EIF2AK2: variants seen among roughly 807,000 people sequenced by gnomAD.
EIF2AK2 encodes interferon-induced, double-stranded RNA-activated protein kinase.
Under a neutral mutation model 70.5 loss-of-function variants are expected in EIF2AK2, and 40 were observed. That is an observed-to-expected ratio of 0.57 (90% CI 0.44 to 0.74). The LOEUF is 0.74. EIF2AK2 is among the 30% of genes least tolerant of loss of function. The pLI, the probability that EIF2AK2 is intolerant of heterozygous loss-of-function variation, is 0.00. For missense variants in EIF2AK2, 555 were observed against 644.3 expected (o/e 0.86, Z 1.50); for synonymous variants, 198 against 220.9 (o/e 0.90, Z 0.92).
intron 9 of EIF2AK2, 104 bp downstream of exon 9, chr2:37,136,879 C>G: frequency 9.5e-7 from 1 of 1,057,276 alleles, no homozygotes. Context: ...TTCTGAAACT[C>G]TGCTCAAATA....
intron 8 of EIF2AK2, among the ~76,000 whole-genome samples, chr2:37,137,785 G>A (rs1573026551): frequency 6.6e-6 from 1 of 152,140 alleles, no homozygotes; most frequent in Admixed American, 6.5e-5. Context: ...ACGTGTGGAA[G>A]GGTAAGGAAT....
intron 1 of EIF2AK2, among the ~76,000 whole-genome samples, chr2:37,153,442 C>A (rs191851587): frequency 2.4e-3 from 354 of 148,918 alleles, no homozygotes; most frequent in African/African-American, 8.1e-3. Context: ...TGGGCTCAAG[C>A]GATCCTCCCA....
At chr2:37,148,566 C>A in intron 2 of EIF2AK2, 1 of 770,630 alleles carries the variant, frequency 1.3e-6, no homozygotes, top group Non-Finnish European at 2.3e-6. Context: ...CTTCGTACTA[C>A]AAATGAGTGC....
At chr2:37,113,767 A>C (rs982836292) in intron 14 of EIF2AK2, among the ~76,000 whole-genome samples, 2 of 152,226 alleles carry the variant, frequency 1.3e-5, no homozygotes, top group Admixed American at 1.3e-4. Flanking sequence ...AATACAAACT[A>C]AAATAGCAAG....
chr2:37,107,423 A>G (rs1490964938), intron 16 of EIF2AK2, 28 bp from the exon 17 acceptor site: 2 of 1,610,542 alleles, frequency 1.2e-6, no homozygotes, highest in Non-Finnish European at 1.7e-6. Context: ...GTCAATAGTA[A>G]GAAATAAAAC....
At position 37,146,854 on chromosome 2, in the gene EIF2AK2, T is replaced by A; in HGVS notation, c.239A>T (p.Lys80Met). The A allele has an allele frequency of 6.2e-7, 1 of 1,611,830 alleles. No individual in the cohort carries two copies. The highest frequency in any genetic ancestry group is 8.5e-7 in the Non-Finnish European group (1 of 1,179,506). The change falls in exon 4 of 17, where the codon AAG (lysine) becomes ATG (methionine). Residue 80 changes from lysine to methionine, a missense_variant and splice_region_variant. Lys to Met is a moderately conservative substitution (Grantham distance 95). This residue lies in a region of EIF2AK2 where 208 missense variants were observed against 191.8 expected (regional missense o/e 1.08). Coordinates refer to ENST00000233057, the MANE Select transcript of EIF2AK2 (RefSeq NM_001135651.3). ...LAVEILNKEK[K>M]AVSPLLLTTT... ...TTAGGAAAAAAGGCAATCACTCACCTTCTTTTCCTTATTAAGTATCTCAAC... is the reference window on the plus strand; with the variant it reads ...TTAGGAAAAAAGGCAATCACTCACCATCTTTTCCTTATTAAGTATCTCAAC...
intron 10 of EIF2AK2, among the ~76,000 whole-genome samples, chr2:37,126,988 A>AAAAAAAAAAAAC (rs1674758665): frequency 1.5e-5 from 2 of 135,660 alleles, no homozygotes; most frequent in Non-Finnish European, 3.2e-5. Context: ...AAAAAAAAAA[A>AAAAAAAAAAAAC]AAAAAAAAAA....
chr2:37,140,584 A>G (rs1030424048), intron 5 of EIF2AK2, among the ~76,000 whole-genome samples: 1 of 148,126 alleles, frequency 6.8e-6, no homozygotes, highest in Non-Finnish European at 1.5e-5. Context: ...TATAGCTCCT[A>G]TTTTTTTCAG....
chr2:37,155,926 T>G (rs1573048889), intron 1 of EIF2AK2, among the ~76,000 whole-genome samples: 2 of 137,354 alleles, frequency 1.5e-5, no homozygotes, highest in African/African-American at 2.7e-5. Flanking sequence ...GGCGACAGAG[T>G]GAGAATCTGT....
chr2:37,119,885 C>A (rs1674475899), intron 13 of EIF2AK2, 74 bp downstream of exon 13: 1 of 905,094 alleles, frequency 1.1e-6, no homozygotes, highest in Non-Finnish European at 1.4e-6. Context: ...AGCCACTGTG[C>A]CCAGCTGAGA....
chr2:37,118,666 C>T (rs1674430397), intron 13 of EIF2AK2, among the ~76,000 whole-genome samples: 1 of 152,174 alleles, frequency 6.6e-6, no homozygotes, highest in South Asian at 2.1e-4. Context: ...TGACAATGTT[C>T]CACCTTCAAA....
intron 14 of EIF2AK2, among the ~76,000 whole-genome samples, chr2:37,114,331 T>A (rs1017125607): frequency 3.3e-5 from 5 of 151,720 alleles, no homozygotes; most frequent in Admixed American, 3.3e-4. Context: ...ACAAAAAATA[T>A]TAAATTTAAA....
chr2:37,153,548 G>T (rs898477035), intron 1 of EIF2AK2, among the ~76,000 whole-genome samples: 9 of 151,746 alleles, frequency 5.9e-5, no homozygotes, highest in Non-Finnish European at 1.0e-4. Context: ...AAATTTGCCT[G>T]TTCTAGGTAC....
At chr2:37,111,859 C>G (rs1674159465) in intron 14 of EIF2AK2, among the ~76,000 whole-genome samples, 1 of 31,088 alleles carries the variant, frequency 3.2e-5, no homozygotes, top group Non-Finnish European at 5.9e-5. Context: ...AAGACCCTGT[C>G]TCAAAAAAAA....
intron 10 of EIF2AK2, among the ~76,000 whole-genome samples, chr2:37,128,499 G>GT (rs2148687541): frequency 6.6e-6 from 1 of 152,264 alleles, no homozygotes; most frequent in East Asian, 1.9e-4. Context: ...ATTTGGATCT[G>GT]TCTAGATATT....
chr2:37,112,775 T>C (rs571627020), intron 14 of EIF2AK2, among the ~76,000 whole-genome samples: 1 of 152,228 alleles, frequency 6.6e-6, no homozygotes, highest in South Asian at 2.1e-4. Context: ...TAACATAAAA[T>C]TTACCCTTTT....
Position 37,101,620 on chromosome 2 carries a change from C to G in EIF2AK2, c.*5653G>C, listed in dbSNP as rs1390523791. On this transcript the variant is annotated 3_prime_UTR_variant, in exon 17 of 17. Coordinates refer to ENST00000233057, the MANE Select transcript of EIF2AK2 (RefSeq NM_001135651.3). ...CCAGGATCAAATCCAGCTTCTAGGT[C>G]TAACTGGACACTCTGGGGATACTCT... The G allele has an allele frequency of 6.6e-6, 1 of 152,150 alleles. No individual in the cohort carries two copies. Among genetic ancestry groups the G allele is most frequent in the African/African-American group, 2.4e-5 (1 of 41,432 alleles). The allele number at this position is 152,150 out of a possible 1,614,324, so 9.4% of individuals were successfully genotyped here.
At position 37,147,899 on chromosome 2, in the gene EIF2AK2, G is replaced by C. The variant is rs1038912747; in HGVS notation, c.-16-77C>G. 10 of 988,940 alleles carry C rather than the reference G, an allele frequency of 1.0e-5. No homozygotes were observed. In the East Asian group the frequency reaches 2.5e-4, roughly 24 times the overall value. 61.3% of individuals were successfully genotyped at this position (988,940 alleles called of 1,614,324 possible). A position where few individuals can be genotyped will look rare whatever the true frequency, so the allele number is the denominator to read the frequency against. ...CTGAGTTTCCCAATGCAGTTTAGGA[G>C]ACAGAGGGGTTGGGGAGACTCCCCT... On this transcript the variant is annotated intron_variant, in intron 2 of 16. Coordinates refer to ENST00000233057, the MANE Select transcript of EIF2AK2 (RefSeq NM_001135651.3).
intron 6 of EIF2AK2, among the ~76,000 whole-genome samples, chr2:37,138,899 A>C (rs1675222095): frequency 6.6e-6 from 1 of 151,804 alleles, no homozygotes; most frequent in African/African-American, 2.4e-5. Context: ...AGGCTCAGGC[A>C]ATCCTCCCGC....
Sources: gnomAD v4.1 joint callset for allele counts (sites outside exome capture counted in the v4.1 genomes callset) on GRCh38, gnomAD v4.1.1 for gene constraint, gnomAD v4.1.1 regional missense constraint, MANE v1.5 for transcripts, NCBI Gene and HGNC (gene_info 2026-07-23, HGNC 2026-07-21) for gene names.